RTL1: variants seen among roughly 807,000 people sequenced by gnomAD.
The protein encoded by RTL1 is retrotransposon-like protein 1.
For synonymous variants in RTL1, 727 were observed against 748.4 expected, an observed-to-expected ratio of 0.97 and a Z score of 0.47; for missense variants, 1,681 against 1,767.5, an observed-to-expected ratio of 0.95 and a Z score of 0.88.
chr14:100,897,692 G>C lies in RTL1; in HGVS notation c.-148-4187C>G, dbSNP rs1443761181. ...AGTATCCTGCGAGCTGTACACACCAGAGTTTATTTAACCACCTTGCTGCTG... is the reference window on the plus strand; with the variant it reads ...AGTATCCTGCGAGCTGTACACACCACAGTTTATTTAACCACCTTGCTGCTG... On this transcript the variant is annotated intron_variant, in intron 2 of 3. Transcript: ENST00000649591. 3.9e-5 allele frequency: 9 copies of C among 232,744 alleles called. 1 individual carries two copies. In the East Asian group the frequency reaches 9.7e-4, roughly 25 times the overall value. 14.4% of individuals were successfully genotyped at this position (232,744 alleles called of 1,614,324 possible). A position where few individuals can be genotyped will look rare whatever the true frequency, so the allele number is the denominator to read the frequency against.
intron 2 of RTL1, among the ~76,000 whole-genome samples, chr14:100,901,866 A>T (rs937854132): frequency 6.6e-6 from 1 of 152,070 alleles, no homozygotes; most frequent in Non-Finnish European, 1.5e-5. Flanking sequence ...CCCGCCAACC[A>T]TCTCTGTGCC....
Position 100,880,642 on chromosome 14 carries a change from G to A in RTL1, c.*70C>T. On this transcript the variant is annotated 3_prime_UTR_variant, in exon 4 of 4. Transcript: ENST00000649591. ...GCGAAGCAGGCTGAGGCGCGGGGAG[G>A]CCAGGGGACGTCGGGAGGTGTTGGG... The A allele has an allele frequency of 6.5e-7, 1 of 1,536,820 alleles. No individual in the cohort carries two copies. Among genetic ancestry groups the A allele is most frequent in the Non-Finnish European group, 8.8e-7 (1 of 1,140,562 alleles).
At chr14:100,885,948 G>A (rs1160481790) in intron 3 of RTL1, among the ~76,000 whole-genome samples, 3 of 152,152 alleles carry the variant, frequency 2.0e-5, no homozygotes, top group Non-Finnish European at 4.4e-5. Context: ...CATTGAGTGT[G>A]GGGGTTGGGG....
At chr14:100,901,502 C>T (rs761337882) in intron 2 of RTL1, among the ~76,000 whole-genome samples, 3 of 152,202 alleles carry the variant, frequency 2.0e-5, no homozygotes, top group Non-Finnish European at 4.4e-5. Context: ...ATCAGCAGGC[C>T]GGCACCCCAG....
chr14:100,899,377 T>C (rs2038911502), intron 2 of RTL1, among the ~76,000 whole-genome samples: 1 of 152,212 alleles, frequency 6.6e-6, no homozygotes, highest in East Asian at 1.9e-4. Flanking sequence ...GGACATGTGA[T>C]GACTGGAGTA....
At chr14:100,886,401 G>A (rs2140040379) in intron 3 of RTL1, among the ~76,000 whole-genome samples, 1 of 152,246 alleles carries the variant, frequency 6.6e-6, no homozygotes, top group African/African-American at 2.4e-5. Flanking sequence ...TTTACTGTCT[G>A]CAATATTAAA....
intron 2 of RTL1, chr14:100,898,062 G>T: frequency 2.2e-6 from 1 of 447,422 alleles, no homozygotes; most frequent in Non-Finnish European, 4.6e-6. Flanking sequence ...CGGTATGTAT[G>T]CACCATTGTT....
chr14:100,881,923 A>C lies in RTL1; in HGVS notation c.2866T>G (p.Ser956Ala), dbSNP rs1185080802. Residue 956 changes from serine (S) to alanine (A), a missense_variant, in exon 4 of 4, where the codon TCT becomes GCT. Physicochemically the swap from Ser to Ala is moderately conservative, Grantham distance 99. Coordinates refer to ENST00000649591, the MANE Select transcript of RTL1 (RefSeq NM_001134888.3). This position sits in a 1 kb window ranked among gnomAD's most constrained non-coding sequence, Gnocchi z 6.6. ...ACGGTGAGCCTGTCATTATTCAGAG[A>C]GGCTAGATCCTCTGTGTTGAGAAGG... ...MILLNTEDLASLNNDRLTVLL... is the reference protein window; with the variant it reads ...MILLNTEDLAALNNDRLTVLL... The C allele has an allele frequency of 1.9e-6, 3 of 1,613,460 alleles. No homozygotes were observed. In the East Asian group the frequency reaches 6.7e-5, roughly 36 times the overall value.
intron 2 of RTL1, among the ~76,000 whole-genome samples, chr14:100,895,465 A>G (rs886683928): frequency 1.3e-5 from 2 of 152,202 alleles, no homozygotes; most frequent in Non-Finnish European, 2.9e-5. Flanking sequence ...TGCTTGGCAC[A>G]TAGTAGATGC....
chr14:100,884,380 C>A lies in RTL1; in HGVS notation c.409G>T (p.Ala137Ser). The A allele has an allele frequency of 6.3e-7, 1 of 1,579,724 alleles. No individual in the cohort carries two copies. The highest frequency in any genetic ancestry group is 8.6e-7 in the Non-Finnish European group (1 of 1,161,036). Reference protein sequence around the residue: ...NPSGAREEQEAHTDLKESGRE... With the variant: ...NPSGAREEQESHTDLKESGRE... ...CCCGATTCCTTCAGGTCAGTGTGAG[C>A]CTCTTGTTCTTCTCGGGCTCCCGAT... Residue 137 changes from alanine to serine, a missense_variant, in exon 4 of 4, where the codon GCT (alanine) becomes TCT (serine). Physicochemically the swap from Ala to Ser is moderately conservative, Grantham distance 99. Transcript: ENST00000649591.
At chr14:100,898,051 A>G in intron 2 of RTL1, 1 of 476,284 alleles carries the variant, frequency 2.1e-6, no homozygotes, top group South Asian at 1.5e-5. Context: ...TTAATATTCC[A>G]CGGTATGTAT....
rs576541128 is a variant in RTL1, at chr14:100,883,402, C to A, written c.1387G>T (p.Asp463Tyr). Residue 463 changes from aspartate (D) to tyrosine (Y), a missense_variant, in exon 4 of 4, where the codon GAC (aspartate) becomes TAC (tyrosine). Asp to Tyr is a radical substitution (Grantham distance 160). Coordinates refer to ENST00000649591, the MANE Select transcript of RTL1 (RefSeq NM_001134888.3). This position sits in a 1 kb window ranked among gnomAD's most constrained non-coding sequence, Gnocchi z 5.9. Reference protein sequence around the residue: ...KPYPQPVQSVDGSLIGNEPVW... With the variant: ...KPYPQPVQSVYGSLIGNEPVW... Reference sequence around the variant, plus strand: ...GGCTCGTTGCCAATCAGCGAGCCGTCCACGGATTGGACCGGCTGTGGGTAC... The same window carrying A: ...GGCTCGTTGCCAATCAGCGAGCCGTACACGGATTGGACCGGCTGTGGGTAC... 83 of 1,550,524 alleles carry A rather than the reference C, an allele frequency of 5.4e-5. No homozygotes were observed. In the East Asian group the frequency reaches 2.0e-3, roughly 37 times the overall value.
intron 3 of RTL1, among the ~76,000 whole-genome samples, chr14:100,888,458 C>A (rs558849540): frequency 8.1e-6 from 1 of 124,174 alleles, no homozygotes; most frequent in African/African-American, 2.5e-5. Context: ...GCTGTAAGCC[C>A]TTTATTGGCT....
intron 2 of RTL1, among the ~76,000 whole-genome samples, chr14:100,898,646 C>T (rs538829828): frequency 3.6e-4 from 55 of 152,374 alleles, no homozygotes; most frequent in African/African-American, 1.3e-3. Flanking sequence ...ACCTGCTAGG[C>T]GCACCTCACC....
intron 3 of RTL1, among the ~76,000 whole-genome samples, chr14:100,886,476 T>A (rs2038699395): frequency 6.6e-6 from 1 of 152,214 alleles, no homozygotes; most frequent in South Asian, 2.1e-4. Context: ...CTGGTTAAAA[T>A]GTAAGGGCCT....
chr14:100,881,349 G>A lies in RTL1; in HGVS notation c.3440C>T (p.Thr1147Ile), dbSNP rs191409079. 5.8e-6 allele frequency: 9 copies of A among 1,550,632 alleles called. No individual in the cohort carries two copies. The East Asian group carries it at 1.5e-4, about 25-fold the overall frequency. Residue 1147 changes from threonine (T) to isoleucine (I), a missense_variant, in exon 4 of 4, where the codon ACC becomes ATC. Coordinates refer to ENST00000649591, the MANE Select transcript of RTL1 (RefSeq NM_001134888.3). This position sits in a 1 kb window ranked among gnomAD's most constrained non-coding sequence, Gnocchi z 6.6. Reference sequence around the variant, plus strand: ...TGCACCTACGAGAGCGGGCATCTGGGTGAGCAGCTGGGTGATGGCTGTCGT... The same window carrying A: ...TGCACCTACGAGAGCGGGCATCTGGATGAGCAGCTGGGTGATGGCTGTCGT... ...SITTAITQLL[T>I]QMPALVGANT...
chr14:100,891,647 TGCGGGAGGG>T (rs2038780813), intron 3 of RTL1, among the ~76,000 whole-genome samples: 1 of 152,196 alleles, frequency 6.6e-6, no homozygotes, highest in Non-Finnish European at 1.5e-5. Context: ...GTGTGCCGCC[TGCGGGAGGG>T]GCTGTGCGAG....
chr14:100,885,915 A>G (rs1638296703), intron 3 of RTL1, among the ~76,000 whole-genome samples: 2 of 152,142 alleles, frequency 1.3e-5, no homozygotes, highest in Non-Finnish European at 2.9e-5. Context: ...CTCCCAACAG[A>G]CATGTATCTG....
chr14:100,890,318 T>A lies in RTL1; in HGVS notation c.-87+3126A>T, dbSNP rs529133770. ...GAAGGGTTGGGTGTGGGGGGGGCCATGGGGGGGACAAATCCCTCAGCAAAT... is the reference window on the plus strand; with the variant it reads ...GAAGGGTTGGGTGTGGGGGGGGCCAAGGGGGGGACAAATCCCTCAGCAAAT... On this transcript the variant is annotated intron_variant, in intron 3 of 3. Coordinates refer to ENST00000649591, the MANE Select transcript of RTL1 (RefSeq NM_001134888.3). Among the ~76,000 whole-genome samples the A allele has an allele frequency of 2.3e-3, 351 of 150,126 alleles. 1 individual carries two copies. Among genetic ancestry groups the A allele is most frequent in the Non-Finnish European group, 4.5e-3 (305 of 67,542 alleles).
Sources: gnomAD v4.1 joint callset for allele counts (sites outside exome capture counted in the v4.1 genomes callset) on GRCh38, gnomAD v4.1.1 for gene constraint, Gnocchi (gnomAD v3.1) non-coding constraint, MANE v1.5 for transcripts, NCBI Gene and HGNC (gene_info 2026-07-23, HGNC 2026-07-21) for gene names.